Variants in C2CD5 observed in about 807,000 individuals in gnomAD.
C2CD5 encodes C2 domain-containing protein 5.
In C2CD5, 109 loss-of-function variants were observed where a neutral mutation model predicts 130.3. That is an observed-to-expected ratio of 0.84 (90% CI 0.72 to 0.98). The LOEUF (loss-of-function observed/expected upper bound fraction) is 0.98, where lower values mean the gene tolerates loss of function less well. Ranked by LOEUF, C2CD5 falls within the 50% of genes least tolerant of loss-of-function variation. The pLI is 0.00. For missense variants in C2CD5, 996 were observed against 1,261.8 expected, an observed-to-expected ratio of 0.79 and a Z score of 3.19; for synonymous variants, 454 against 429.2, an observed-to-expected ratio of 1.06 and a Z score of -0.71.
At chr12:22,538,223 C>A (rs1039526303) in intron 2 of C2CD5, among the ~76,000 whole-genome samples, 5 of 152,198 alleles carry the variant, frequency 3.3e-5, no homozygotes, top group African/African-American at 1.2e-4. Context: ...AAGCCACATT[C>A]ATCTCTGATT....
In C2CD5 at chr12:22,535,316, GTTT is replaced by G; in HGVS notation, c.116_118del (p.Lys39del). On this transcript the variant is annotated inframe_deletion, in exon 3 of 27. Coordinates refer to ENST00000446597, the MANE Select transcript of C2CD5 (RefSeq NM_001286176.2). ...GTTGAGTGACTTAAGGTACACATCT[GTTT>G]TAAAGGTGGTATTACCAAATTTTAC... 1 of 1,601,278 alleles carries G rather than the reference GTTT, an allele frequency of 6.2e-7. No homozygotes were observed. The highest frequency in any genetic ancestry group is 8.6e-7 in the Non-Finnish European group (1 of 1,169,128).
At chr12:22,498,103 AGGT>A (rs1028217984) in intron 10 of C2CD5, among the ~76,000 whole-genome samples, 4 of 152,150 alleles carry the variant, frequency 2.6e-5, no homozygotes, top group Non-Finnish European at 5.9e-5. Flanking sequence ...TAAGTACTTT[AGGT>A]ATAGTTTGCA....
chr12:22,456,882 TG>T, intron 25 of C2CD5, 88 bp downstream of exon 25: 3 of 745,404 alleles, frequency 4.0e-6, no homozygotes, highest in Non-Finnish European at 6.5e-6. Flanking sequence ...TGTAAGTTTT[TG>T]GCAAAAAATA....
chr12:22,476,012 G>A (rs950081057), intron 15 of C2CD5, among the ~76,000 whole-genome samples: 2 of 151,946 alleles, frequency 1.3e-5, no homozygotes, highest in African/African-American at 4.8e-5. Flanking sequence ...TGTTCACAAT[G>A]CCACAGACTT....
At chr12:22,452,778 T>G (rs995590009) in intron 26 of C2CD5, among the ~76,000 whole-genome samples, 1 of 152,076 alleles carries the variant, frequency 6.6e-6, no homozygotes, top group Non-Finnish European at 1.5e-5. Flanking sequence ...AAAATAAAAC[T>G]AAAACCAGTC....
At chr12:22,465,254 A>C (rs963980511) in intron 22 of C2CD5, among the ~76,000 whole-genome samples, 2 of 152,098 alleles carry the variant, frequency 1.3e-5, no homozygotes, top group African/African-American at 4.8e-5. Flanking sequence ...AGCAGGAAAC[A>C]AGGTGGGTAT....
intron 25 of C2CD5, 96 bp from the exon 26 acceptor site, chr12:22,454,138 T>C: frequency 1.1e-6 from 1 of 930,308 alleles, no homozygotes; most frequent in Admixed American, 2.6e-5. Context: ...TAAAACATCC[T>C]AAATTATCTT....
chr12:22,495,082 T>C (rs1946837761), intron 10 of C2CD5, among the ~76,000 whole-genome samples: 2 of 152,086 alleles, frequency 1.3e-5, no homozygotes, highest in South Asian at 4.1e-4. Context: ...GTTTAGAAAA[T>C]ACCTATTTTC....
chr12:22,516,748 T>C (rs906753344), intron 8 of C2CD5, among the ~76,000 whole-genome samples: 3 of 151,770 alleles, frequency 2.0e-5, no homozygotes, highest in Non-Finnish European at 4.4e-5. Context: ...CAAATAGTAA[T>C]GTAAGTCTTT....
intron 10 of C2CD5, 123 bp from the exon 11 acceptor site, chr12:22,493,460 C>T (rs926159760): frequency 3.7e-6 from 2 of 536,416 alleles, no homozygotes; most frequent in African/African-American, 1.9e-5. Flanking sequence ...GATTTTTAAA[C>T]TTCCCATCTT....
Position 22,502,942 on chromosome 12 carries a change from A to G in C2CD5, c.1147+3769T>C, listed in dbSNP as rs1947989261. 1.2e-5 allele frequency: 7 copies of G among 581,726 alleles called. No homozygotes were observed. In the Admixed American group the frequency reaches 2.2e-4, roughly 18 times the overall value. 36.0% of individuals were successfully genotyped at this position (581,726 alleles called of 1,614,324 possible). A position where few individuals can be genotyped will look rare whatever the true frequency, so the allele number is the denominator to read the frequency against. On this transcript the variant is annotated intron_variant, in intron 10 of 26. Transcript: ENST00000446597. ...GAAAGACATAGACAGCAGAGTTAAT[A>G]AGAAGTAGAAATAGAAAGGGGGAAA...
At chr12:22,479,086 T>C (rs1051198685) in intron 14 of C2CD5, among the ~76,000 whole-genome samples, 5 of 152,068 alleles carry the variant, frequency 3.3e-5, no homozygotes, top group Admixed American at 6.6e-5. Context: ...CAATTTTTTT[T>C]TTTTTGAGAC....
At chr12:22,517,583 T>C (rs1949863958) in intron 8 of C2CD5, among the ~76,000 whole-genome samples, 1 of 152,134 alleles carries the variant, frequency 6.6e-6, no homozygotes. Flanking sequence ...AGTTTTTTCA[T>C]AATAAAATCT....
chr12:22,533,523 T>C (rs1951517427), intron 3 of C2CD5, among the ~76,000 whole-genome samples: 1 of 151,808 alleles, frequency 6.6e-6, no homozygotes, highest in African/African-American at 2.4e-5. Context: ...TAAACAGATG[T>C]AGAGAGAAAG....
At chr12:22,480,901 C>G (rs1944615643) in intron 14 of C2CD5, among the ~76,000 whole-genome samples, 1 of 151,920 alleles carries the variant, frequency 6.6e-6, no homozygotes, top group African/African-American at 2.4e-5. Flanking sequence ...AGCTCCCAGG[C>G]TCAGCTGATT....
intron 4 of C2CD5, 63 bp downstream of exon 4, chr12:22,527,658 T>A: frequency 1.0e-6 from 1 of 992,090 alleles, no homozygotes; most frequent in Admixed American, 2.4e-5. Flanking sequence ...AGCACAAATG[T>A]CTTTAAGGAC....
chr12:22,455,551 C>T (rs1019015910), intron 25 of C2CD5, among the ~76,000 whole-genome samples: 3 of 152,108 alleles, frequency 2.0e-5, no homozygotes, highest in African/African-American at 4.8e-5. Flanking sequence ...GCCAGCTTTT[C>T]GCACCAAATC....
chr12:22,452,271 G>A (rs1017938633), intron 26 of C2CD5, among the ~76,000 whole-genome samples: 1 of 152,126 alleles, frequency 6.6e-6, no homozygotes, highest in African/African-American at 2.4e-5. Context: ...AATATCAAGT[G>A]ATATCAAATA....
chr12:22,543,134 A>G (rs2137383981), intron 2 of C2CD5, among the ~76,000 whole-genome samples: 1 of 152,358 alleles, frequency 6.6e-6, no homozygotes, highest in South Asian at 2.1e-4. Context: ...GATGAAATCG[A>G]GCTATATATT....
Sources: allele counts gnomAD v4.1 joint callset (sites outside exome capture counted in the v4.1 genomes callset), GRCh38; gene constraint gnomAD v4.1.1; transcripts MANE v1.5; gene names NCBI Gene and HGNC (gene_info 2026-07-23, HGNC 2026-07-21).